The following CLPB variants were observed in gnomAD, a reference collection of about 807,000 sequenced individuals.
CLPB encodes the protein ClpB family mitochondrial disaggregase, also known as mitochondrial disaggregase.
Under a neutral mutation model 78.4 loss-of-function variants are expected in CLPB, and 40 were observed. The ratio of observed to expected loss-of-function variants is 0.51; its 90% CI spans 0.40 to 0.66. The LOEUF is 0.66. CLPB is among the 30% of genes least tolerant of loss of function. The pLI is 0.00. For synonymous variants in CLPB, 333 were observed against 348.0 expected, an observed-to-expected ratio of 0.96 and a Z score of 0.48; for missense variants, 780 against 886.9, an observed-to-expected ratio of 0.88 and a Z score of 1.53.
At chr11:72,375,964 C>T (rs144341172) in intron 4 of CLPB, among the ~76,000 whole-genome samples, 240 of 152,312 alleles carry the variant, frequency 1.6e-3, no homozygotes, top group African/African-American at 5.6e-3. Flanking sequence ...CCACAAACTA[C>T]ACCTTCCTTC....
intron 5 of CLPB, among the ~76,000 whole-genome samples, chr11:72,338,551 G>A (rs747384218): frequency 8.5e-5 from 13 of 152,166 alleles, no homozygotes; most frequent in Admixed American, 8.5e-4. Context: ...CTCTTCTGTG[G>A]TGCCAAACTC....
intron 12 of CLPB, among the ~76,000 whole-genome samples, chr11:72,295,043 G>A (rs915384942): frequency 2.0e-5 from 3 of 152,186 alleles, no homozygotes; most frequent in African/African-American, 7.2e-5. Flanking sequence ...GCTTCCTGCC[G>A]GATGTGCTCC....
intron 4 of CLPB, among the ~76,000 whole-genome samples, chr11:72,365,501 A>C (rs750873505): frequency 7.9e-5 from 12 of 152,228 alleles, no homozygotes; most frequent in Non-Finnish European, 1.3e-4. Context: ...TGATTGTCAT[A>C]ATAGTTTGCA....
intron 3 of CLPB, among the ~76,000 whole-genome samples, chr11:72,402,260 C>CA (rs55809454): frequency 0.07 from 10,609 of 152,106 alleles, 523 homozygotes; most frequent in Non-Finnish European, 0.1. Flanking sequence ...GACTGTATCT[C>CA]AAAAAAACCC....
chr11:72,343,899 G>A (rs953153926), intron 5 of CLPB, among the ~76,000 whole-genome samples: 5 of 152,178 alleles, frequency 3.3e-5, no homozygotes, highest in Admixed American at 2.0e-4. Flanking sequence ...TTGGCACTCA[G>A]TAGGAGTTTA....
At chr11:72,330,803 G>T (rs369594731) in intron 5 of CLPB, among the ~76,000 whole-genome samples, 1 of 152,142 alleles carries the variant, frequency 6.6e-6, no homozygotes, top group Non-Finnish European at 1.5e-5. Flanking sequence ...GAACATTAAG[G>T]TAATAATTAT....
chr11:72,331,886 T>C (rs60849224), intron 5 of CLPB, among the ~76,000 whole-genome samples: 14,152 of 152,088 alleles, frequency 0.093, 1,223 homozygotes, highest in African/African-American at 0.22. Flanking sequence ...AGTCTCTACT[T>C]CTTAAAAGAC....
chr11:72,384,439 A>T (rs1855017703), intron 3 of CLPB, among the ~76,000 whole-genome samples: 1 of 152,202 alleles, frequency 6.6e-6, no homozygotes, highest in African/African-American at 2.4e-5. Context: ...GTAGATTCAT[A>T]AAAGGTAAAA....
At chr11:72,305,271 T>C (rs1318293701) in intron 9 of CLPB, among the ~76,000 whole-genome samples, 2 of 152,240 alleles carry the variant, frequency 1.3e-5, no homozygotes, top group East Asian at 3.9e-4. Flanking sequence ...CTAAGAATGC[T>C]GTAGGGCCTC....
chr11:72,329,288 A>G (rs933237752), intron 6 of CLPB, among the ~76,000 whole-genome samples: 2 of 152,180 alleles, frequency 1.3e-5, no homozygotes, highest in African/African-American at 2.4e-5. Context: ...AAGAATGATG[A>G]TAAGAAAAGA....
chr11:72,426,177 C>T (rs974193544), intron 2 of CLPB, among the ~76,000 whole-genome samples: 1 of 152,184 alleles, frequency 6.6e-6, no homozygotes, highest in Non-Finnish European at 1.5e-5. Context: ...GAGGTAAGCA[C>T]TCAGCAGAGG....
intron 5 of CLPB, among the ~76,000 whole-genome samples, chr11:72,356,057 G>A (rs1384379464): frequency 1.3e-5 from 2 of 152,022 alleles, no homozygotes; most frequent in Non-Finnish European, 2.9e-5. Context: ...CGAGGCGGGC[G>A]GATCACCTGA....
At chr11:72,421,272 G>A (rs1856189803) in intron 2 of CLPB, among the ~76,000 whole-genome samples, 2 of 152,092 alleles carry the variant, frequency 1.3e-5, no homozygotes, top group South Asian at 2.1e-4. Flanking sequence ...CTGTACAGGG[G>A]AGCTTCTTCC....
intron 7 of CLPB, among the ~76,000 whole-genome samples, chr11:72,310,189 A>C (rs570753733): frequency 6.6e-5 from 10 of 152,206 alleles, no homozygotes; most frequent in Non-Finnish European, 1.3e-4. Flanking sequence ...CTCGATCTCT[A>C]ATGTTCCTGC....
chr11:72,338,220 T>C (rs1172060512), intron 5 of CLPB, among the ~76,000 whole-genome samples: 2 of 152,130 alleles, frequency 1.3e-5, no homozygotes, highest in Admixed American at 6.5e-5. Context: ...AAGATGATGA[T>C]TCTTCCCCCT....
chr11:72,311,174 G>A (rs930275363), intron 7 of CLPB: 2 of 152,218 alleles, frequency 1.3e-5, no homozygotes, highest in African/African-American at 4.8e-5. Flanking sequence ...TGGCAGCTAG[G>A]AAGGACTGGA....
At chr11:72,433,540 GAAATAAATAAATAAATAAAT>G (rs563884899) in intron 1 of CLPB, among the ~76,000 whole-genome samples, 7,016 of 138,638 alleles carry the variant, frequency 0.051, 526 homozygotes, top group African/African-American at 0.16. Context: ...CTCCATCTCA[GAAATAAATAAATAAATAAAT>G]AAATAAATAA....
At chr11:72,328,919 G>GCCC (rs780320463) in intron 6 of CLPB, among the ~76,000 whole-genome samples, 20,347 of 152,212 alleles carry the variant, frequency 0.13, 2,765 homozygotes, top group African/African-American at 0.35. Flanking sequence ...TGAGTGAAGG[G>GCCC]CAGGAGTGAA....
intron 3 of CLPB, among the ~76,000 whole-genome samples, chr11:72,395,347 T>C (rs1855375273): frequency 6.6e-6 from 1 of 152,112 alleles, no homozygotes; most frequent in African/African-American, 2.4e-5. Flanking sequence ...GTCCATCCCA[T>C]GGCCTTGCTC....
Sources: allele counts gnomAD v4.1 joint callset (sites outside exome capture counted in the v4.1 genomes callset), GRCh38; gene constraint gnomAD v4.1.1; transcripts MANE v1.5; gene names NCBI Gene and HGNC (gene_info 2026-07-23, HGNC 2026-07-21).